The following ADARB2 variants were observed in gnomAD, a reference collection of about 807,000 sequenced individuals.
ADARB2 encodes the protein inactive double-stranded RNA-specific editase B2.
Under a neutral mutation model 62.2 loss-of-function variants are expected in ADARB2, and 25 were observed. That is an observed-to-expected ratio of 0.40 (90% CI 0.29 to 0.56). ADARB2 has a LOEUF of 0.56. Among genes scored for constraint, ADARB2 ranks in the 20% least tolerant of loss-of-function variants. ADARB2 has a pLI of 0.43. For missense variants in ADARB2, 1,071 were observed against 1,077.4 expected (o/e 0.99, Z 0.08); for synonymous variants, 572 against 500.8 (o/e 1.14, Z -1.90).
intron 1 of ADARB2, among the ~76,000 whole-genome samples, chr10:1,511,517 A>G (rs1267766114): frequency 6.6e-6 from 1 of 152,112 alleles, no homozygotes; most frequent in Non-Finnish European, 1.5e-5. Context: ...GGGCAGTGTC[A>G]ACATTTGATG....
chr10:1,465,135 G>A (rs1448240898), intron 1 of ADARB2, among the ~76,000 whole-genome samples: 1 of 152,234 alleles, frequency 6.6e-6, no homozygotes, highest in Non-Finnish European at 1.5e-5. Context: ...GGGCTCAGGC[G>A]ACTGAGGACG....
At chr10:1,505,733 C>A (rs983856764) in intron 1 of ADARB2, among the ~76,000 whole-genome samples, 2 of 150,556 alleles carry the variant, frequency 1.3e-5, no homozygotes, top group African/African-American at 4.9e-5. Flanking sequence ...GTGGTTCTGC[C>A]ACTCCCGTCC....
chr10:1,322,002 C>T lies in ADARB2; in HGVS notation c.1077+41026G>A, dbSNP rs74535517. Among the ~76,000 whole-genome samples the T allele has an allele frequency of 3.2e-3, 485 of 152,016 alleles. 4 individuals carry two copies. The highest frequency in any genetic ancestry group is 0.011 in the African/African-American group (436 of 41,446). ...AGCCACAGAAGACACAGAAATGCTC[C>T]CTCTGCATTGTTTCCATCCTGCCTC... On this transcript the variant is annotated intron_variant, in intron 3 of 9. Transcript: ENST00000381312.
intron 4 of ADARB2, among the ~76,000 whole-genome samples, chr10:1,252,566 T>C (rs1054305014): frequency 6.6e-6 from 1 of 152,226 alleles, no homozygotes; most frequent in African/African-American, 2.4e-5. Context: ...CTCTGAATAC[T>C]CGCAGTGAAT....
chr10:1,636,420 G>A (rs1044208669), intron 1 of ADARB2, among the ~76,000 whole-genome samples: 2 of 152,150 alleles, frequency 1.3e-5, no homozygotes, highest in Non-Finnish European at 2.9e-5. Context: ...AGGAGGCTGA[G>A]GCAGGAGGAT....
At chr10:1,556,070 A>G (rs1389559921) in intron 1 of ADARB2, among the ~76,000 whole-genome samples, 1 of 151,970 alleles carries the variant, frequency 6.6e-6, no homozygotes, top group Non-Finnish European at 1.5e-5. Context: ...CAGCTCTTAG[A>G]GATTAGGGTC....
chr10:1,636,769 A>C (rs1833921485), intron 1 of ADARB2, among the ~76,000 whole-genome samples: 1 of 148,880 alleles, frequency 6.7e-6, no homozygotes, highest in African/African-American at 2.4e-5. Context: ...TCAATATACA[A>C]TATATGAAAT....
chr10:1,486,430 T>C lies in ADARB2; in HGVS notation c.101-107270A>G, dbSNP rs118123500. 2.8e-3 allele frequency among the ~76,000 whole-genome samples: 430 copies of C among 152,312 alleles called. 16 individuals are homozygous for C. In the East Asian group the frequency reaches 0.071, roughly 25 times the overall value. On this transcript the variant is annotated intron_variant, in intron 1 of 9. Transcript: ENST00000381312. ...AAATCATCTGGAGAGTCGAACAATA[T>C]AGACACAAAGTCTGCACATTTCAGG...
chr10:1,609,604 C>G (rs1833541967), intron 1 of ADARB2, among the ~76,000 whole-genome samples: 1 of 152,254 alleles, frequency 6.6e-6, no homozygotes, highest in African/African-American at 2.4e-5. Context: ...TCAATATTCA[C>G]ATTTCACATG....
At chr10:1,651,666 G>C (rs1176430895) in intron 1 of ADARB2, among the ~76,000 whole-genome samples, 5 of 152,210 alleles carry the variant, frequency 3.3e-5, no homozygotes. Flanking sequence ...GCCAAGCAAG[G>C]GGCACATTTC....
intron 3 of ADARB2, among the ~76,000 whole-genome samples, chr10:1,331,704 T>C (rs1831929550): frequency 1.3e-5 from 2 of 152,240 alleles, no homozygotes; most frequent in African/African-American, 4.8e-5. Flanking sequence ...TGAATTGTAC[T>C]TTAAAGGGTG....
rs1405400374 is a variant in ADARB2 at position 1,178,796 on chromosome 10, A to C, written c.*4397T>G. 1 of 152,052 alleles carries C rather than the reference A, an allele frequency of 6.6e-6. No homozygotes were observed. Among genetic ancestry groups the C allele is most frequent in the African/African-American group, 2.4e-5 (1 of 41,378 alleles). The allele number at this position is 152,052 out of a possible 1,614,324, so 9.4% of individuals were successfully genotyped here. A position where few individuals can be genotyped will look rare whatever the true frequency, so the allele number is the denominator to read the frequency against. On this transcript the variant is annotated 3_prime_UTR_variant, in exon 10 of 10. Coordinates refer to ENST00000381312, the MANE Select transcript of ADARB2 (RefSeq NM_018702.4). ...GTGGGATGGCGGCTCCCTGACATGG[A>C]CTAGGGGACTCTGCAGCCTCCCTGA...
intron 1 of ADARB2, among the ~76,000 whole-genome samples, chr10:1,596,661 G>C (rs1481169705): frequency 6.6e-6 from 1 of 152,182 alleles, no homozygotes; most frequent in African/African-American, 2.4e-5. Context: ...GACCAGGGGA[G>C]CACTGCTCAG....
At chr10:1,442,214 G>A (rs1411296541) in intron 1 of ADARB2, among the ~76,000 whole-genome samples, 1 of 152,058 alleles carries the variant, frequency 6.6e-6, no homozygotes, top group Non-Finnish European at 1.5e-5. Context: ...CTTTTTCCAA[G>A]AACCCCTTCT....
At chr10:1,643,977 A>C (rs931071486) in intron 1 of ADARB2, among the ~76,000 whole-genome samples, 1 of 152,076 alleles carries the variant, frequency 6.6e-6, no homozygotes, top group African/African-American at 2.4e-5. Context: ...GGAGAGCTTC[A>C]TTACCGAATC....
At chr10:1,626,001 T>TGA (rs2119036457) in intron 1 of ADARB2, among the ~76,000 whole-genome samples, 1 of 104,600 alleles carries the variant, frequency 9.6e-6, no homozygotes, top group East Asian at 2.4e-4. Context: ...GACACAGGCC[T>TGA]CCACTGGACC....
chr10:1,317,555 G>T (rs972893196), intron 3 of ADARB2, among the ~76,000 whole-genome samples: 7 of 152,204 alleles, frequency 4.6e-5, no homozygotes, highest in African/African-American at 1.7e-4. Flanking sequence ...TCACTTCTGG[G>T]AAGACATCCC....
chr10:1,582,532 G>A (rs143044602), intron 1 of ADARB2, among the ~76,000 whole-genome samples: 218 of 152,240 alleles, frequency 1.4e-3, no homozygotes, highest in African/African-American at 5.2e-3. Flanking sequence ...ACCTTTACTG[G>A]AGATGAATGA....
At chr10:1,368,159 C>T (rs538023458) in intron 2 of ADARB2, among the ~76,000 whole-genome samples, 62 of 146,804 alleles carry the variant, frequency 4.2e-4, no homozygotes, top group Admixed American at 8.9e-4. Flanking sequence ...AGGGGACACT[C>T]GGGCTCTGCT....
Sources: allele counts gnomAD v4.1 joint callset (sites outside exome capture counted in the v4.1 genomes callset), GRCh38; gene constraint gnomAD v4.1.1; transcripts MANE v1.5; gene names NCBI Gene and HGNC (gene_info 2026-07-23, HGNC 2026-07-21).